The following RAPGEF5 variants were observed in gnomAD, a reference collection of about 807,000 sequenced individuals.
The protein encoded by RAPGEF5 is M-Ras-regulated GEF.
A neutral mutation model predicts 125.2 loss-of-function variants in RAPGEF5; 65 were observed. The ratio of observed to expected loss-of-function variants is 0.52; its 90% CI spans 0.43 to 0.64. The LOEUF (loss-of-function observed/expected upper bound fraction) is 0.64. RAPGEF5 is among the 30% of genes least tolerant of loss of function. RAPGEF5 has a pLI of 0.00. For missense variants in RAPGEF5, 958 were observed against 1,048.1 expected (o/e 0.91, Z 1.19); for synonymous variants, 391 against 385.9 (o/e 1.01, Z -0.16).
intron 1 of RAPGEF5, among the ~76,000 whole-genome samples, chr7:22,325,024 C>T (rs1431008002): frequency 6.6e-6 from 1 of 152,176 alleles, no homozygotes. Context: ...TGCATTCCCC[C>T]TCCATGCCTG....
intron 2 of RAPGEF5, among the ~76,000 whole-genome samples, chr7:22,316,922 CT>C (rs141207436): frequency 0.028 from 4,151 of 150,402 alleles, 85 homozygotes; most frequent in East Asian, 0.096. Flanking sequence ...TAAATACAAG[CT>C]GATAAGGAAG....
intron 9 of RAPGEF5, among the ~76,000 whole-genome samples, chr7:22,218,947 C>G (rs78051008): frequency 6.6e-6 from 1 of 152,312 alleles, no homozygotes; most frequent in East Asian, 1.9e-4. Flanking sequence ...ACTTGAGCAT[C>G]TTACCTCCTC....
intron 11 of RAPGEF5, among the ~76,000 whole-genome samples, chr7:22,181,151 C>T (rs1784660989): frequency 1.3e-5 from 2 of 152,080 alleles, no homozygotes; most frequent in South Asian, 2.1e-4. Context: ...TTTTTCTTAA[C>T]AAAACATACG....
At chr7:22,332,357 G>A (rs541860908) in intron 1 of RAPGEF5, among the ~76,000 whole-genome samples, 68 of 152,160 alleles carry the variant, frequency 4.5e-4, no homozygotes, top group Non-Finnish European at 8.1e-4. Context: ...GTAATCATGA[G>A]CAAATGAAGC....
At chr7:22,263,631 G>A (rs760900485) in intron 7 of RAPGEF5, among the ~76,000 whole-genome samples, 3 of 152,048 alleles carry the variant, frequency 2.0e-5, no homozygotes, top group Non-Finnish European at 4.4e-5. Context: ...TAGGGAGGCT[G>A]AAGCAGGAGA....
rs760771831 is a variant in RAPGEF5 at position 22,150,419 on chromosome 7, C to T, written c.1872G>A (p.Leu624=). Residue 624 remains leucine, a synonymous_variant, in exon 18 of 26, where the codon CTG becomes CTA. Coordinates refer to ENST00000665637, the MANE Select transcript of RAPGEF5 (RefSeq NM_012294.5). ...SGRIYVYRKD[L]ADTLNPFAEN... is the part of the protein sequence containing the mutation. ...TGAAGGTCCTTACCAAAGTGTCCGC[C>T]AGGTCTTTCCGGTAGACATATATTC... The T allele has an allele frequency of 2.2e-5, 35 of 1,607,866 alleles. No homozygotes were observed. Among genetic ancestry groups the T allele is most frequent in the Non-Finnish European group, 2.9e-5 (34 of 1,177,652 alleles).
chr7:22,274,898 C>T (rs911346698), intron 6 of RAPGEF5, among the ~76,000 whole-genome samples: 1 of 152,290 alleles, frequency 6.6e-6, no homozygotes, highest in African/African-American at 2.4e-5. Context: ...CTCCATGACA[C>T]TATGACAGAG....
At chr7:22,208,147 C>A (rs529591859) in intron 9 of RAPGEF5, among the ~76,000 whole-genome samples, 2 of 152,232 alleles carry the variant, frequency 1.3e-5, no homozygotes, top group South Asian at 4.1e-4. Context: ...ACACCTTGCT[C>A]ATTTCTGTCT....
At position 22,150,457 on chromosome 7, in the gene RAPGEF5, C is replaced by T. The variant is rs374427083; in HGVS notation, c.1834G>A (p.Glu612Lys). 2.5e-5 allele frequency: 40 copies of T among 1,600,298 alleles called. 1 individual carries two copies. In the South Asian group the frequency reaches 3.5e-4, roughly 14 times the overall value. ...TAGACATATATTCGACCAGATGCCT[C>T]GAGGGATTTGGAGATGACTAAGTCA... ...PNDLVISKSL[E>K]ASGRIYVYRK... Residue 612 changes from glutamate to lysine, a missense_variant, in exon 18 of 26, where the codon GAG (glutamate) becomes AAG (lysine). Transcript: ENST00000665637.
intron 6 of RAPGEF5, among the ~76,000 whole-genome samples, chr7:22,286,684 A>C (rs1343640884): frequency 6.6e-6 from 1 of 152,220 alleles, no homozygotes; most frequent in Non-Finnish European, 1.5e-5. Context: ...TTACATCCTT[A>C]AGAATTGTGG....
At chr7:22,270,714 T>G (rs1377431759) in intron 6 of RAPGEF5, among the ~76,000 whole-genome samples, 1 of 152,246 alleles carries the variant, frequency 6.6e-6, no homozygotes, top group Non-Finnish European at 1.5e-5. Context: ...TTTTCAGAAC[T>G]CCCTGGGACT....
intron 1 of RAPGEF5, among the ~76,000 whole-genome samples, chr7:22,345,060 A>G (rs552768506): frequency 1.3e-5 from 2 of 152,316 alleles, no homozygotes; most frequent in South Asian, 4.1e-4. Context: ...CTGTTGAACC[A>G]AAGTCTCTAA....
intron 6 of RAPGEF5, among the ~76,000 whole-genome samples, chr7:22,282,439 T>G (rs1782694554): frequency 6.6e-6 from 1 of 152,168 alleles, no homozygotes; most frequent in South Asian, 2.1e-4. Flanking sequence ...ATCCTTCAAA[T>G]TAGGAGAGAA....
chr7:22,188,413 G>C (rs1196513710), intron 11 of RAPGEF5, among the ~76,000 whole-genome samples: 1 of 152,136 alleles, frequency 6.6e-6, no homozygotes, highest in African/African-American at 2.4e-5. Context: ...AGATTAAAAA[G>C]TTAATAGAAA....
At chr7:22,300,442 T>G (rs993625096) in intron 5 of RAPGEF5, among the ~76,000 whole-genome samples, 1 of 152,218 alleles carries the variant, frequency 6.6e-6, no homozygotes, top group African/African-American at 2.4e-5. Flanking sequence ...AGGGTAGACA[T>G]TAATTGCTTT....
intron 7 of RAPGEF5, among the ~76,000 whole-genome samples, chr7:22,260,977 G>A (rs1227614501): frequency 1.3e-5 from 2 of 152,112 alleles, no homozygotes; most frequent in African/African-American, 4.8e-5. Context: ...AAGCATTATA[G>A]ATCAGTGAGC....
chr7:22,193,859 A>G, intron 10 of RAPGEF5, 56 bp downstream of exon 10: 2 of 1,611,800 alleles, frequency 1.2e-6, no homozygotes, highest in Non-Finnish European at 1.7e-6. Flanking sequence ...AAGGGAAGGC[A>G]GGCAGGGAAA....
intron 6 of RAPGEF5, among the ~76,000 whole-genome samples, chr7:22,270,390 G>C (rs1782390319): frequency 6.6e-6 from 1 of 152,186 alleles, no homozygotes; most frequent in Non-Finnish European, 1.5e-5. Context: ...GTAGATTCTG[G>C]AGTCATTTGT....
intron 1 of RAPGEF5, among the ~76,000 whole-genome samples, chr7:22,352,410 T>TA (rs113177116): frequency 0.24 from 36,278 of 149,950 alleles, 4,362 homozygotes; most frequent in Admixed American, 0.26. Context: ...GATTGTCAGT[T>TA]TAAAAAAAAA....
Sources: gnomAD v4.1 joint callset for allele counts (sites outside exome capture counted in the v4.1 genomes callset) on GRCh38, gnomAD v4.1.1 for gene constraint, MANE v1.5 for transcripts, NCBI Gene and HGNC (gene_info 2026-07-23, HGNC 2026-07-21) for gene names.